GAD2: variants seen among roughly 807,000 people sequenced by gnomAD.
GAD2 encodes the protein 65 kDa glutamic acid decarboxylase.
GAD2 carries 22 observed loss-of-function variants against 80.1 expected under a neutral mutation model. That is an observed-to-expected ratio of 0.27 (90% CI 0.20 to 0.39). The LOEUF (loss-of-function observed/expected upper bound fraction) is 0.39, where lower values mean the gene tolerates loss of function less well. Among genes scored for constraint, GAD2 ranks in the 10% least tolerant of loss-of-function variants. GAD2 has a pLI of 1.00. For synonymous variants in GAD2, 274 were observed against 256.9 expected (o/e 1.07, Z -0.64); for missense variants, 624 against 738.4 (o/e 0.85, Z 1.80).
At chr10:26,296,425 G>C (rs1834273886) in intron 15 of GAD2, among the ~76,000 whole-genome samples, 1 of 152,078 alleles carries the variant, frequency 6.6e-6, no homozygotes, top group Admixed American at 6.5e-5. Context: ...GATAACAGAA[G>C]TTATTAATAA....
intron 9 of GAD2, among the ~76,000 whole-genome samples, chr10:26,270,332 T>C (rs1382736532): frequency 1.3e-5 from 2 of 152,078 alleles, no homozygotes; most frequent in Non-Finnish European, 2.9e-5. Flanking sequence ...GGCCAGAAAG[T>C]CTACCGGGAA....
At chr10:26,267,306 A>C (rs1339480866) in intron 8 of GAD2, among the ~76,000 whole-genome samples, 1 of 152,270 alleles carries the variant, frequency 6.6e-6, no homozygotes, top group Non-Finnish European at 1.5e-5. Flanking sequence ...GTAAAAGATA[A>C]AGATAATACC....
intron 7 of GAD2, among the ~76,000 whole-genome samples, chr10:26,245,368 A>G (rs1419275562): frequency 1.3e-5 from 2 of 150,896 alleles, no homozygotes; most frequent in Non-Finnish European, 2.9e-5. Context: ...TGTACCCTGG[A>G]ACTTAAAATA....
intron 8 of GAD2, among the ~76,000 whole-genome samples, chr10:26,251,056 C>CT (rs60993936): frequency 0.013 from 1,521 of 119,774 alleles, 11 homozygotes; most frequent in African/African-American, 0.025. Context: ...TTTTTTTTTG[C>CT]TTTTTTTTTT....
intron 8 of GAD2, among the ~76,000 whole-genome samples, chr10:26,267,766 G>A (rs1845088833): frequency 6.7e-6 from 1 of 149,552 alleles, no homozygotes; most frequent in Non-Finnish European, 1.5e-5. Context: ...CTCCTTTATT[G>A]GCCTGAAAAA....
At chr10:26,218,527 A>G in intron 3 of GAD2, among the ~76,000 whole-genome samples, 1 of 141,742 alleles carries the variant, frequency 7.1e-6, no homozygotes, top group East Asian at 2.2e-4. Context: ...GCAGACACAC[A>G]TGCATACGCT....
chr10:26,237,728 C>T (rs1844692437), intron 7 of GAD2, among the ~76,000 whole-genome samples: 1 of 152,114 alleles, frequency 6.6e-6, no homozygotes, highest in Non-Finnish European at 1.5e-5. Context: ...AGTGAATTAG[C>T]CGGGTGCAGT....
Position 26,245,959 on chromosome 10 carries a change from G to T in GAD2, c.879G>T (p.Gly293=). The T allele has an allele frequency of 1.9e-6, 3 of 1,614,146 alleles. No homozygotes were observed. Among genetic ancestry groups the T allele is most frequent in the Non-Finnish European group, 2.5e-6 (3 of 1,179,990 alleles). ...FSLKKGAAAL[G]IGTDSVILIK... ...TCAAGAAGGGAGCTGCAGCCTTAGG[G>T]ATTGGAACAGACAGCGTGATTCTGA... Residue 293 remains glycine (G), a synonymous_variant, in exon 8 of 16, where the codon GGG becomes GGT. Coordinates refer to ENST00000376261, the MANE Select transcript of GAD2 (RefSeq NM_001134366.2).
intron 4 of GAD2, among the ~76,000 whole-genome samples, chr10:26,220,501 C>A (rs563620635): frequency 6.6e-6 from 1 of 152,230 alleles, no homozygotes; most frequent in South Asian, 2.1e-4. Flanking sequence ...AGATTTCTAT[C>A]AAAGTCAGGC....
intron 7 of GAD2, among the ~76,000 whole-genome samples, chr10:26,231,927 CAGATAA>C (rs1410658188): frequency 6.6e-6 from 1 of 152,180 alleles, no homozygotes; most frequent in Non-Finnish European, 1.5e-5. Flanking sequence ...TGGATCTACT[CAGATAA>C]TCCAGGGCAA....
chr10:26,243,365 A>G (rs1440777614), intron 7 of GAD2, among the ~76,000 whole-genome samples: 2 of 152,210 alleles, frequency 1.3e-5, no homozygotes, highest in Non-Finnish European at 2.9e-5. Context: ...GAAGAGTACA[A>G]AAGTGGGCAT....
chr10:26,275,392 A>G (rs183284865), intron 11 of GAD2, among the ~76,000 whole-genome samples: 75 of 152,306 alleles, frequency 4.9e-4, no homozygotes, highest in Middle Eastern at 3.4e-3. Flanking sequence ...ATAAACACCC[A>G]CACGATTCTG....
chr10:26,296,684 C>T (rs948392876), intron 15 of GAD2, among the ~76,000 whole-genome samples: 1 of 152,144 alleles, frequency 6.6e-6, no homozygotes, highest in East Asian at 1.9e-4. Context: ...TTGATCACCT[C>T]TTGTGTTTCT....
chr10:26,244,534 A>G (rs1266776517), intron 7 of GAD2, among the ~76,000 whole-genome samples: 6 of 152,258 alleles, frequency 3.9e-5, no homozygotes, highest in Non-Finnish European at 7.3e-5. Context: ...TACATGTAAT[A>G]GAATGTCATT....
chr10:26,245,760 A>T (rs1450113287), intron 7 of GAD2, among the ~76,000 whole-genome samples, 161 bp from the exon 8 acceptor site: 5 of 152,176 alleles, frequency 3.3e-5, no homozygotes, highest in Admixed American at 2.6e-4. Context: ...ACAGTTTTTA[A>T]AAAAGCACAA....
At position 26,246,003 on chromosome 10, in the gene GAD2, G is replaced by A. The variant is rs1168483851; in HGVS notation, c.920+3G>A. On this transcript the variant is annotated splice_donor_region_variant and intron_variant, in intron 8 of 15. Transcript: ENST00000376261. Reference sequence around the variant, plus strand: ...ATTCTGATTAAATGTGATGAGAGGTGAGCACGCATCGGCAACTCTTGTTGG... The same window carrying A: ...ATTCTGATTAAATGTGATGAGAGGTAAGCACGCATCGGCAACTCTTGTTGG... 4 of 1,613,044 alleles carry A rather than the reference G, an allele frequency of 2.5e-6. No individual in the cohort carries two copies. Among genetic ancestry groups the A allele is most frequent in the African/African-American group, 1.3e-5 (1 of 74,896 alleles).
intron 8 of GAD2, among the ~76,000 whole-genome samples, chr10:26,265,610 C>T (rs1769028697): frequency 6.6e-6 from 1 of 152,152 alleles, no homozygotes; most frequent in Non-Finnish European, 1.5e-5. Context: ...GTAGCAGTCC[C>T]TTCCTAAACA....
At chr10:26,221,475 G>A (rs1446220399) in intron 4 of GAD2, among the ~76,000 whole-genome samples, 2 of 152,248 alleles carry the variant, frequency 1.3e-5, no homozygotes, top group Non-Finnish European at 2.9e-5. Context: ...TTTGGTGCTA[G>A]TGGTGGTGGT....
At chr10:26,287,835 G>C (rs1845351800) in intron 13 of GAD2, among the ~76,000 whole-genome samples, 1 of 152,148 alleles carries the variant, frequency 6.6e-6, no homozygotes, top group Admixed American at 6.5e-5. Context: ...GGTCCTTTAT[G>C]CTTGGTGGAG....
Sources: gnomAD v4.1 joint callset for allele counts (sites outside exome capture counted in the v4.1 genomes callset) on GRCh38, gnomAD v4.1.1 for gene constraint, MANE v1.5 for transcripts, NCBI Gene and HGNC (gene_info 2026-07-23, HGNC 2026-07-21) for gene names.